Variants in TM2D1 observed in about 807,000 individuals in gnomAD.
The protein encoded by TM2D1 is TM2 domain-containing protein 1.
A neutral mutation model predicts 28.4 loss-of-function variants in TM2D1; 15 were observed. The observed-to-expected ratio is 0.53, with a 90% CI of 0.35 to 0.81. The LOEUF is 0.81. Among genes scored for constraint, TM2D1 ranks in the 40% least tolerant of loss-of-function variants. The pLI, the probability that TM2D1 is intolerant of heterozygous loss-of-function variation, is 0.01. For synonymous variants in TM2D1, 93 were observed against 96.2 expected (o/e 0.97, Z 0.20); for missense variants, 236 against 254.9 (o/e 0.93, Z 0.50).
chr1:61,701,187 A>T (rs1644397953), intron 3 of TM2D1, among the ~76,000 whole-genome samples, 162 bp from the exon 4 acceptor site: 1 of 151,992 alleles, frequency 6.6e-6, no homozygotes, highest in Non-Finnish European at 1.5e-5. Context: ...GGAATATATT[A>T]ATGAATAAAA....
Position 61,713,943 on chromosome 1 carries a change from C to T in TM2D1, c.239-4506G>A, listed in dbSNP as rs961867554. Among the ~76,000 whole-genome samples, 133 of 136,750 alleles carry T rather than the reference C, an allele frequency of 9.7e-4. 1 individual carries two copies. Among genetic ancestry groups the T allele is most frequent in the African/African-American group, 3.5e-3 (127 of 36,044 alleles). The allele number at this position is 136,750 out of a possible 152,430, so 89.7% of individuals were successfully genotyped here. Reference sequence around the variant, plus strand: ...TCGCTCTGTCGCCCAGGCCGGACTGCGGACTGCAGTGGCGCAATCTCGGCT... The same window carrying T: ...TCGCTCTGTCGCCCAGGCCGGACTGTGGACTGCAGTGGCGCAATCTCGGCT... On this transcript the variant is annotated intron_variant, in intron 2 of 6. Coordinates refer to ENST00000606498, the MANE Select transcript of TM2D1 (RefSeq NM_032027.3).
chr1:61,709,464 G>GT, intron 2 of TM2D1, 27 bp from the exon 3 acceptor site: 1 of 1,510,180 alleles, frequency 6.6e-7, no homozygotes, highest in Non-Finnish European at 9.2e-7. Flanking sequence ...TCAAGAAACT[G>GT]TTATTTTTTT....
chr1:61,701,528 A>G (rs953167758), intron 3 of TM2D1, among the ~76,000 whole-genome samples: 1 of 150,658 alleles, frequency 6.6e-6, no homozygotes, highest in Non-Finnish European at 1.5e-5. Context: ...AATTTCATCA[A>G]GTAAGATCCC....
At chr1:61,700,160 C>T (rs900404333) in intron 4 of TM2D1, 5 of 1,514,402 alleles carry the variant, frequency 3.3e-6, no homozygotes, top group Middle Eastern at 1.7e-4. Flanking sequence ...CTCTTAATCT[C>T]GTGACAATTT....
intron 2 of TM2D1, among the ~76,000 whole-genome samples, chr1:61,715,646 A>C (rs1237180107): frequency 6.5e-5 from 3 of 46,368 alleles, no homozygotes; most frequent in East Asian, 7.8e-4. Context: ...AGACTGTCTC[A>C]AAAAAAAAAA....
intron 3 of TM2D1, among the ~76,000 whole-genome samples, chr1:61,705,658 C>T (rs1644435115): frequency 1.3e-5 from 2 of 152,186 alleles, no homozygotes; most frequent in Non-Finnish European, 2.9e-5. Flanking sequence ...TCTTTCCCAT[C>T]TGCTGCCTTA....
chr1:61,682,905 A>G (rs974163156), intron 6 of TM2D1, among the ~76,000 whole-genome samples: 4 of 151,628 alleles, frequency 2.6e-5, no homozygotes, highest in South Asian at 2.1e-4. Context: ...AAAAAAAAAA[A>G]AAAAAGAAAA....
intron 4 of TM2D1, chr1:61,700,088 T>A: frequency 7.0e-7 from 1 of 1,436,016 alleles, no homozygotes; most frequent in Admixed American, 3.2e-5. Flanking sequence ...TAAAGCATGA[T>A]CTCTGGAGCC....
At chr1:61,722,728 T>C (rs996824666) in intron 2 of TM2D1, among the ~76,000 whole-genome samples, 4 of 152,184 alleles carry the variant, frequency 2.6e-5, no homozygotes, top group African/African-American at 9.7e-5. Flanking sequence ...ATCCTTTGAT[T>C]TGCCTGTTTT....
chr1:61,714,807 C>A (rs1050663387), intron 2 of TM2D1, among the ~76,000 whole-genome samples: 1 of 152,146 alleles, frequency 6.6e-6, no homozygotes, highest in Non-Finnish European at 1.5e-5. Context: ...CCACCCATTT[C>A]GGCCTCCCAA....
In TM2D1 at chr1:61,715,190, C is replaced by T. The variant is rs1219527648; in HGVS notation, c.239-5753G>A. On this transcript the variant is annotated intron_variant, in intron 2 of 6. Coordinates refer to ENST00000606498, the MANE Select transcript of TM2D1 (RefSeq NM_032027.3). ...ACATGAGAAAATAATGAGAGAAACTCAGAATGATTTATTTGAAAAGATCGA... is the reference window on the plus strand; with the variant it reads ...ACATGAGAAAATAATGAGAGAAACTTAGAATGATTTATTTGAAAAGATCGA... 1.3e-4 allele frequency among the ~76,000 whole-genome samples: 20 copies of T among 152,072 alleles called. 1 individual carries two copies. Among genetic ancestry groups the T allele is most frequent in the Admixed American group, 1.3e-3 (20 of 15,244 alleles).
At chr1:61,699,762 T>G (rs1644388834) in intron 4 of TM2D1, 1 of 153,392 alleles carries the variant, frequency 6.5e-6, no homozygotes, top group African/African-American at 2.4e-5. Flanking sequence ...ATTTTATTTT[T>G]AACCAATATA....
intron 5 of TM2D1, among the ~76,000 whole-genome samples, chr1:61,687,455 GT>G: frequency 6.6e-6 from 1 of 152,166 alleles, no homozygotes; most frequent in East Asian, 1.9e-4. Flanking sequence ...TGCACTTAAT[GT>G]TGTAGTATTA....
intron 2 of TM2D1, among the ~76,000 whole-genome samples, chr1:61,720,577 T>TC (rs1198442229): frequency 6.6e-6 from 1 of 152,064 alleles, no homozygotes; most frequent in Non-Finnish European, 1.5e-5. Flanking sequence ...GATTATGTCT[T>TC]CTTTTGTATA....
At chr1:61,694,544 G>T in intron 5 of TM2D1, 153 bp downstream of exon 5, 1 of 469,756 alleles carries the variant, frequency 2.1e-6, no homozygotes, top group Non-Finnish European at 3.8e-6. Context: ...TTGGAAACAT[G>T]ACCAGGATTC....
At position 61,715,113 on chromosome 1, in the gene TM2D1, T is replaced by C. The variant is rs540748597; in HGVS notation, c.239-5676A>G. Among the ~76,000 whole-genome samples the C allele has an allele frequency of 3.3e-5, 5 of 152,284 alleles. No individual in the cohort carries two copies. The South Asian group carries it at 8.3e-4, about 25-fold the overall frequency. Reference sequence around the variant, plus strand: ...TACTTATTTCAAGGGATGAAAATTATATACTTGAGTGAAAAGAGGATGAAC... The same window carrying C: ...TACTTATTTCAAGGGATGAAAATTACATACTTGAGTGAAAAGAGGATGAAC... On this transcript the variant is annotated intron_variant, in intron 2 of 6. Coordinates refer to ENST00000606498, the MANE Select transcript of TM2D1 (RefSeq NM_032027.3).
chr1:61,692,278 TG>T, intron 5 of TM2D1, among the ~76,000 whole-genome samples: 1 of 152,096 alleles, frequency 6.6e-6, no homozygotes, highest in East Asian at 1.9e-4. Context: ...TTTAGCAATA[TG>T]GGCATTATAC....
At chr1:61,685,606 CAT>C (rs771822289) in intron 5 of TM2D1, among the ~76,000 whole-genome samples, 11 of 152,220 alleles carry the variant, frequency 7.2e-5, no homozygotes, top group South Asian at 2.1e-4. Flanking sequence ...GTGAACTACA[CAT>C]GTTAATATTC....
intron 2 of TM2D1, among the ~76,000 whole-genome samples, chr1:61,717,302 A>C (rs1211080268): frequency 6.6e-6 from 1 of 151,870 alleles, no homozygotes; most frequent in Non-Finnish European, 1.5e-5. Flanking sequence ...TGGGAGGCAG[A>C]GCTTGCAGTG....
Sources: gnomAD v4.1 joint callset for allele counts (sites outside exome capture counted in the v4.1 genomes callset) on GRCh38, gnomAD v4.1.1 for gene constraint, MANE v1.5 for transcripts, NCBI Gene and HGNC (gene_info 2026-07-23, HGNC 2026-07-21) for gene names.